The following ALG5 variants were observed in gnomAD, a reference collection of about 807,000 sequenced individuals.
The protein encoded by ALG5 is ALG5 dolichyl-phosphate beta-glucosyltransferase, also known as dolichyl-phosphate beta-glucosyltransferase.
A neutral mutation model predicts 51.8 loss-of-function variants in ALG5; 26 were observed. The ratio of observed to expected loss-of-function variants is 0.50; its 90% CI spans 0.37 to 0.70. ALG5 has a LOEUF of 0.70. Ranked by LOEUF, ALG5 falls within the 30% of genes least tolerant of loss-of-function variation. The pLI, the probability that ALG5 is intolerant of heterozygous loss-of-function variation, is 0.00. For synonymous variants in ALG5, 141 were observed against 136.1 expected (o/e 1.04, Z -0.25); for missense variants, 311 against 399.3 (o/e 0.78, Z 1.88).
chr13:36,981,024 C>G (rs2058977016), intron 6 of ALG5, among the ~76,000 whole-genome samples: 4 of 151,920 alleles, frequency 2.6e-5, no homozygotes, highest in Non-Finnish European at 5.9e-5. Context: ...TGTAAATGCC[C>G]TATTTTATTT....
chr13:36,960,532 AGAC>A (rs2058861282), intron 8 of ALG5, among the ~76,000 whole-genome samples: 6 of 152,142 alleles, frequency 3.9e-5, no homozygotes, highest in African/African-American at 1.4e-4. Flanking sequence ...ATTATTATTG[AGAC>A]AGGGTCTCGT....
At chr13:36,955,846 A>G (rs1206790118) in intron 8 of ALG5, among the ~76,000 whole-genome samples, 2 of 152,156 alleles carry the variant, frequency 1.3e-5, no homozygotes, top group Non-Finnish European at 2.9e-5. Flanking sequence ...AAACCTCAAC[A>G]TGGATTAAAG....
intron 4 of ALG5, among the ~76,000 whole-genome samples, chr13:36,992,662 T>C (rs2059030765): frequency 6.6e-6 from 1 of 152,110 alleles, no homozygotes; most frequent in Non-Finnish European, 1.5e-5. Flanking sequence ...GAGGATATAA[T>C]AAACATCACT....
At chr13:36,955,459 A>G (rs2058835264) in intron 8 of ALG5, among the ~76,000 whole-genome samples, 1 of 152,146 alleles carries the variant, frequency 6.6e-6, no homozygotes, top group Non-Finnish European at 1.5e-5. Context: ...GTCATGCAAC[A>G]AGAATAGGTT....
chr13:36,994,957 G>C (rs1420789954), intron 3 of ALG5, 32 bp downstream of exon 3: 1 of 1,593,952 alleles, frequency 6.3e-7, no homozygotes, highest in South Asian at 1.1e-5. Context: ...GTTTTAATTG[G>C]AGATATCATA....
At chr13:36,989,788 C>T (rs142580986) in intron 4 of ALG5, among the ~76,000 whole-genome samples, 1 of 152,214 alleles carries the variant, frequency 6.6e-6, no homozygotes, top group East Asian at 1.9e-4. Context: ...CAGTTTCCTG[C>T]AGAGGAACCA....
intron 8 of ALG5, among the ~76,000 whole-genome samples, chr13:36,957,131 T>C (rs973357271): frequency 1.1e-4 from 16 of 151,948 alleles, no homozygotes; most frequent in African/African-American, 3.9e-4. Context: ...CAAATCGTTA[T>C]TTACTGGACC....
chr13:36,967,281 A>G (rs1343588449), intron 7 of ALG5, among the ~76,000 whole-genome samples: 1 of 151,988 alleles, frequency 6.6e-6, no homozygotes, highest in African/African-American at 2.4e-5. Flanking sequence ...TAGGAGGCCT[A>G]TATTGGAATC....
chr13:36,989,356 T>A, intron 5 of ALG5, 128 bp downstream of exon 5: 2 of 644,616 alleles, frequency 3.1e-6, no homozygotes, highest in Non-Finnish European at 5.3e-6. Flanking sequence ...ATGAAGTTAT[T>A]ATTAAAATTA....
chr13:36,955,290 A>G (rs1309123256), intron 8 of ALG5, among the ~76,000 whole-genome samples: 3 of 152,230 alleles, frequency 2.0e-5, no homozygotes, highest in Non-Finnish European at 2.9e-5. Flanking sequence ...GGCTCTGCGC[A>G]TGGACACAGC....
intron 6 of ALG5, among the ~76,000 whole-genome samples, chr13:36,976,054 T>C (rs966446674): frequency 6.6e-5 from 10 of 151,926 alleles, no homozygotes; most frequent in African/African-American, 2.4e-4. Flanking sequence ...CAAATTCTTG[T>C]CAGTTCTGGT....
chr13:36,950,529 C>T (rs1319057575), intron 9 of ALG5, among the ~76,000 whole-genome samples: 1 of 152,128 alleles, frequency 6.6e-6, no homozygotes, highest in East Asian at 1.9e-4. Flanking sequence ...TCTCGGGCTA[C>T]ACAAGAACAC....
chr13:36,967,172 G>A (rs545536595), intron 7 of ALG5, among the ~76,000 whole-genome samples: 14 of 149,878 alleles, frequency 9.3e-5, no homozygotes, highest in Admixed American at 1.3e-4. Flanking sequence ...GCAATGAGCC[G>A]AGATGGCGCC....
At chr13:36,972,751 G>A (rs1490906397) in intron 6 of ALG5, among the ~76,000 whole-genome samples, 1 of 152,152 alleles carries the variant, frequency 6.6e-6, no homozygotes, top group Non-Finnish European at 1.5e-5. Flanking sequence ...GCAGCACTTT[G>A]GGAGGCCAAG....
chr13:36,971,649 CAAAAAAAAAA>C (rs35424140), intron 7 of ALG5, among the ~76,000 whole-genome samples: 5 of 50,702 alleles, frequency 9.9e-5, no homozygotes, highest in African/African-American at 4.3e-4. Flanking sequence ...ACTCCGTCTC[CAAAAAAAAAA>C]AAAAAAAAAA....
intron 6 of ALG5, among the ~76,000 whole-genome samples, chr13:36,984,320 C>G (rs1407591770): frequency 1.3e-5 from 2 of 152,036 alleles, no homozygotes; most frequent in Admixed American, 6.6e-5. Context: ...AGGCTGGGCT[C>G]AAACTCCTGG....
At chr13:36,971,248 G>A (rs1453323996) in intron 7 of ALG5, among the ~76,000 whole-genome samples, 3 of 152,052 alleles carry the variant, frequency 2.0e-5, no homozygotes, top group Admixed American at 2.0e-4. Context: ...GTTTTTCTAA[G>A]AGGAATGAGG....
chr13:36,962,451 GT>G (rs2058871994), intron 8 of ALG5, among the ~76,000 whole-genome samples: 1 of 152,148 alleles, frequency 6.6e-6, no homozygotes, highest in African/African-American at 2.4e-5. Flanking sequence ...AATGTGAGCA[GT>G]TAAAATTTTA....
At chr13:36,965,974 G>A (rs983776340) in intron 7 of ALG5, among the ~76,000 whole-genome samples, 5 of 152,132 alleles carry the variant, frequency 3.3e-5, no homozygotes, top group African/African-American at 1.2e-4. Context: ...TCAGACAAGC[G>A]GCCAGGGCTT....
Sources: gnomAD v4.1 joint callset for allele counts (sites outside exome capture counted in the v4.1 genomes callset) on GRCh38, gnomAD v4.1.1 for gene constraint, MANE v1.5 for transcripts, NCBI Gene and HGNC (gene_info 2026-07-23, HGNC 2026-07-21) for gene names.